Variants in PTPN9 observed in about 807,000 individuals in gnomAD.
The protein encoded by PTPN9 is tyrosine-protein phosphatase non-receptor type 9.
In PTPN9, 26 loss-of-function variants were observed where a neutral mutation model predicts 69.8. The observed-to-expected ratio is 0.37, with a 90% CI of 0.27 to 0.52. PTPN9 has a LOEUF of 0.52. Ranked by LOEUF, PTPN9 falls within the 20% of genes least tolerant of loss-of-function variation. The pLI, the probability that PTPN9 is intolerant of heterozygous loss-of-function variation, is 0.91. For missense variants in PTPN9, 549 were observed against 740.3 expected, an observed-to-expected ratio of 0.74 and a Z score of 3.00; for synonymous variants, 274 against 272.5, an observed-to-expected ratio of 1.01 and a Z score of -0.05.
chr15:75,548,899 C>T (rs1189503887), intron 1 of PTPN9, among the ~76,000 whole-genome samples: 5 of 151,902 alleles, frequency 3.3e-5, no homozygotes, highest in East Asian at 1.9e-4. Flanking sequence ...GTGATCCGCC[C>T]GCCTCAGCCT....
chr15:75,502,122 GAGAAGAGAAGAAGAAA>G, intron 7 of PTPN9, among the ~76,000 whole-genome samples: 1 of 151,884 alleles, frequency 6.6e-6, no homozygotes, highest in Middle Eastern at 3.4e-3. Context: ...AAAAGAAAAG[GAGAAGAGAAGAAGAAA>G]AGAAGAGAAG....
chr15:75,557,708 A>C (rs2075083704), intron 1 of PTPN9, among the ~76,000 whole-genome samples: 1 of 152,152 alleles, frequency 6.6e-6, no homozygotes, highest in African/African-American at 2.4e-5. Context: ...TATTATTATC[A>C]CAAGTTTTGA....
chr15:75,524,131 A>AAC, intron 3 of PTPN9, 78 bp downstream of exon 3: 2 of 698,576 alleles, frequency 2.9e-6, no homozygotes, highest in Non-Finnish European at 4.4e-6. Context: ...AAAAAAAAAA[A>AAC]AAAAACAAAG....
rs1322728209 is a variant in PTPN9, at chr15:75,481,998, G to A, written c.1063-2084C>T. Among the ~76,000 whole-genome samples, 9 of 146,054 alleles carry A rather than the reference G, an allele frequency of 6.2e-5. No individual in the cohort carries two copies. In the East Asian group the frequency reaches 1.9e-3, roughly 31 times the overall value. ...GAGAACGGGCCAGGATGACAATGGC[G>A]GCTTTGTGGAATAGAAAGGGGGGAA... is the stretch of plus-strand genomic sequence containing the variant. On this transcript the variant is annotated intron_variant, in intron 8 of 12. Coordinates refer to ENST00000618819, the MANE Select transcript of PTPN9 (RefSeq NM_002833.4).
intron 7 of PTPN9, among the ~76,000 whole-genome samples, chr15:75,502,229 C>T (rs963145727): frequency 2.0e-5 from 3 of 152,028 alleles, no homozygotes; most frequent in Non-Finnish European, 4.4e-5. Context: ...GGCAGATCAC[C>T]TGAGGTCAGG....
intron 2 of PTPN9, among the ~76,000 whole-genome samples, chr15:75,526,596 A>C (rs1191695596): frequency 6.6e-6 from 1 of 152,212 alleles, no homozygotes; most frequent in Non-Finnish European, 1.5e-5. Flanking sequence ...AACAAAAATC[A>C]AAACAAAGTA....
chr15:75,503,287 T>C (rs28609186), intron 7 of PTPN9, among the ~76,000 whole-genome samples: 41,365 of 132,780 alleles, frequency 0.31, 7,174 homozygotes, highest in African/African-American at 0.48. Flanking sequence ...TCTGCCCCGC[T>C]GCCCCGTCTG....
intron 1 of PTPN9, among the ~76,000 whole-genome samples, chr15:75,549,988 C>CA (rs74693829): frequency 7.9e-4 from 114 of 144,034 alleles, no homozygotes; most frequent in Middle Eastern, 3.6e-3. Flanking sequence ...CCACCCCCAC[C>CA]AAAAAAAAAA....
At chr15:75,563,094 C>T (rs2075111830) in intron 1 of PTPN9, among the ~76,000 whole-genome samples, 1 of 152,178 alleles carries the variant, frequency 6.6e-6, no homozygotes, top group Admixed American at 6.5e-5. Context: ...CCACTCTCCA[C>T]ACTCAAGTAG....
intron 1 of PTPN9, among the ~76,000 whole-genome samples, chr15:75,533,192 T>C (rs917976074): frequency 6.6e-6 from 1 of 152,196 alleles, no homozygotes; most frequent in African/African-American, 2.4e-5. Context: ...AAGGTCTGAA[T>C]TGATATATGG....
intron 1 of PTPN9, among the ~76,000 whole-genome samples, chr15:75,535,865 A>G (rs2074980540): frequency 6.6e-6 from 1 of 152,172 alleles, no homozygotes; most frequent in South Asian, 2.1e-4. Flanking sequence ...GGTTTGATGA[A>G]TTTCCAAACT....
chr15:75,516,968 C>A (rs2074873618), intron 5 of PTPN9, among the ~76,000 whole-genome samples: 1 of 151,846 alleles, frequency 6.6e-6, no homozygotes, highest in Admixed American at 6.6e-5. Flanking sequence ...TGGTCTTGAT[C>A]TCTTGACCTC....
chr15:75,528,669 C>T (rs2074941494), intron 1 of PTPN9, among the ~76,000 whole-genome samples: 1 of 150,926 alleles, frequency 6.6e-6, no homozygotes, highest in Non-Finnish European at 1.5e-5. Flanking sequence ...GCTGGGATTA[C>T]AGGCATGAGC....
rs765888385 is a variant in PTPN9 at position 75,505,975 on chromosome 15, G to A, written c.668C>T (p.Thr223Met). The A allele has an allele frequency of 3.0e-5, 49 of 1,613,472 alleles. No homozygotes were observed. Among genetic ancestry groups the A allele is most frequent in the South Asian group, 2.2e-4 (20 of 91,074 alleles). Reference protein sequence around the residue: ...RIQILKTSEVTQHLPRECLPE... With the variant: ...RIQILKTSEVMQHLPRECLPE... ...AAGACACTCCCTGGGCAGATGCTGC[G>A]TGACCTCAGATGTCTTTAATATTTG... The change falls in exon 7 of 13, where the codon ACG becomes ATG. Residue 223 changes from threonine (T) to methionine (M), a missense_variant. By Grantham distance (81) the Thr-to-Met change is moderately conservative. Around this residue, in one of 3 missense-constraint regions of PTPN9, gnomAD observed 457 missense variants for 661.9 expected, o/e 0.69. Transcript: ENST00000618819.
intron 1 of PTPN9, among the ~76,000 whole-genome samples, chr15:75,570,621 T>C: frequency 6.6e-6 from 1 of 151,648 alleles, no homozygotes; most frequent in East Asian, 1.9e-4. Flanking sequence ...ATATAACAAA[T>C]TAGTCATGTG....
intron 2 of PTPN9, 23 bp from the exon 3 acceptor site, chr15:75,524,321 T>C (rs765035449): frequency 1.1e-5 from 16 of 1,463,534 alleles, no homozygotes; most frequent in Non-Finnish European, 1.5e-5. Context: ...CACAGCAAAA[T>C]GTATTAATAT....
intron 7 of PTPN9, among the ~76,000 whole-genome samples, chr15:75,494,631 G>C (rs1282074105): frequency 6.6e-6 from 1 of 151,976 alleles, no homozygotes; most frequent in Non-Finnish European, 1.5e-5. Flanking sequence ...GGGGTTACAG[G>C]CTTGAGCCAC....
At chr15:75,576,909 C>T (rs976508018) in intron 1 of PTPN9, among the ~76,000 whole-genome samples, 1 of 151,978 alleles carries the variant, frequency 6.6e-6, no homozygotes, top group South Asian at 2.1e-4. Flanking sequence ...TTAGGCATTA[C>T]CATAATTAGA....
intron 8 of PTPN9, among the ~76,000 whole-genome samples, chr15:75,481,834 G>T (rs1451652889): frequency 7.4e-6 from 1 of 135,512 alleles, no homozygotes; most frequent in African/African-American, 2.7e-5. Context: ...GGGAGGTGGG[G>T]GGGGGTCAGC....
Sources: gnomAD v4.1 joint callset for allele counts (sites outside exome capture counted in the v4.1 genomes callset) on GRCh38, gnomAD v4.1.1 for gene constraint, gnomAD v4.1.1 regional missense constraint, MANE v1.5 for transcripts, NCBI Gene and HGNC (gene_info 2026-07-23, HGNC 2026-07-21) for gene names.